The following MYO5A variants were observed in gnomAD, a reference collection of about 807,000 sequenced individuals.
MYO5A encodes unconventional myosin-Va.
MYO5A carries 98 observed loss-of-function variants against 249.7 expected under a neutral mutation model. The ratio of observed to expected loss-of-function variants is 0.39; its 90% CI spans 0.33 to 0.46. The LOEUF is 0.46. Ranked by LOEUF, MYO5A falls within the 20% of genes least tolerant of loss-of-function variation. The probability of loss-of-function intolerance (pLI) is 0.98; values close to 1 mark genes in which losing one functional copy is unlikely to be tolerated. For missense variants in MYO5A, 1,696 were observed against 2,308.8 expected, an observed-to-expected ratio of 0.73 and a Z score of 5.44; for synonymous variants, 778 against 810.6, an observed-to-expected ratio of 0.96 and a Z score of 0.68.
At chr15:52,372,031 G>A (rs550666858) in intron 21 of MYO5A, 93 bp downstream of exon 21, 41 of 1,582,078 alleles carry the variant, frequency 2.6e-5, no homozygotes, top group Admixed American at 1.2e-4. Flanking sequence ...TACTAAGACC[G>A]AAGGGTAAAG....
intron 5 of MYO5A, among the ~76,000 whole-genome samples, chr15:52,410,722 C>T (rs2043211210): frequency 1.3e-5 from 2 of 151,878 alleles, no homozygotes; most frequent in Admixed American, 6.6e-5. Context: ...GGATTACAGG[C>T]ACATGCCACC....
At chr15:52,526,207 T>A (rs957247490) in intron 1 of MYO5A, among the ~76,000 whole-genome samples, 2 of 152,150 alleles carry the variant, frequency 1.3e-5, no homozygotes, top group Non-Finnish European at 2.9e-5. Flanking sequence ...CAACACACGG[T>A]CTTGCTGTTT....
intron 1 of MYO5A, among the ~76,000 whole-genome samples, chr15:52,512,583 G>A (rs904838221): frequency 1.3e-5 from 2 of 152,036 alleles, no homozygotes; most frequent in African/African-American, 4.8e-5. Flanking sequence ...AGTATCTGAG[G>A]ACAGTGAGAT....
intron 1 of MYO5A, among the ~76,000 whole-genome samples, chr15:52,516,212 A>G (rs115309553): frequency 0.016 from 2,469 of 152,304 alleles, 75 homozygotes; most frequent in African/African-American, 0.057. Context: ...CTTGACTTCT[A>G]TGATGTACTG....
intron 1 of MYO5A, among the ~76,000 whole-genome samples, chr15:52,468,007 A>C (rs901309114): frequency 2.2e-4 from 33 of 152,248 alleles, no homozygotes; most frequent in African/African-American, 6.0e-4. Context: ...GCAAATAGGC[A>C]AAAGAAAAAA....
intron 25 of MYO5A, among the ~76,000 whole-genome samples, chr15:52,357,701 G>A (rs1173202549): frequency 1.3e-5 from 2 of 152,170 alleles, no homozygotes; most frequent in African/African-American, 2.4e-5. Context: ...TCTAATTAAA[G>A]AGATGCTATC....
Position 52,384,291 on chromosome 15 carries a change from T to C in MYO5A, c.1784A>G (p.Asp595Gly). ...FKMLPELFQD[D>G]EKAISPTSAT... ...TGAAGTTGGACTGATGGCCTTCTCA[T>C]CATCTTGAAATAGTTCTGGTAGCAT... Residue 595 changes from aspartate to glycine, a missense_variant, in exon 15 of 42, where the codon GAT becomes GGT. This residue lies in a region of MYO5A where 277 missense variants were observed against 422.4 expected (regional missense o/e 0.66). Transcript: ENST00000399233. The C allele has an allele frequency of 2.5e-6, 4 of 1,614,182 alleles. No homozygotes were observed. The highest frequency in any genetic ancestry group is 3.4e-6 in the Non-Finnish European group (4 of 1,180,006).
chr15:52,488,299 T>C lies in MYO5A; in HGVS notation c.27+40481A>G, dbSNP rs184974766. 9.2e-4 allele frequency among the ~76,000 whole-genome samples: 140 copies of C among 152,296 alleles called. 1 individual carries two copies. The highest frequency in any genetic ancestry group is 3.2e-3 in the African/African-American group (131 of 41,556). ...TGTAAATATATGTAGCTGATGTCTGTAAATAATGAATTCTTGGAAACCACA... is the reference window on the plus strand; with the variant it reads ...TGTAAATATATGTAGCTGATGTCTGCAAATAATGAATTCTTGGAAACCACA... On this transcript the variant is annotated intron_variant, in intron 1 of 41. Coordinates refer to ENST00000399233, the MANE Select transcript of MYO5A (RefSeq NM_001382347.1).
intron 9 of MYO5A, among the ~76,000 whole-genome samples, chr15:52,398,263 A>G (rs962596343): frequency 6.6e-6 from 1 of 152,220 alleles, no homozygotes; most frequent in Non-Finnish European, 1.5e-5. Flanking sequence ...CATGATTTAC[A>G]TATCCCTGTA....
intron 15 of MYO5A, 140 bp downstream of exon 15, chr15:52,384,021 T>C: frequency 1.1e-6 from 1 of 945,140 alleles, no homozygotes. Flanking sequence ...TTTTAGTGGA[T>C]GGTGTCGTAT....
At chr15:52,449,021 T>C (rs1290589081) in intron 1 of MYO5A, among the ~76,000 whole-genome samples, 6 of 131,926 alleles carry the variant, frequency 4.5e-5, no homozygotes, top group Non-Finnish European at 6.1e-5. Context: ...CAGGCTGGAG[T>C]GCAATGGCAC....
At chr15:52,521,654 T>G (rs1356375919) in intron 1 of MYO5A, among the ~76,000 whole-genome samples, 4 of 152,216 alleles carry the variant, frequency 2.6e-5, no homozygotes, top group Non-Finnish European at 4.4e-5. Context: ...AAAAAATAAT[T>G]ACATCATCCC....
chr15:52,433,135 C>T, intron 2 of MYO5A, 40 bp downstream of exon 2: 1 of 1,406,890 alleles, frequency 7.1e-7, no homozygotes, highest in Non-Finnish European at 1.0e-6. Context: ...GAACTCCCTT[C>T]ACTTTATGCC....
intron 34 of MYO5A, among the ~76,000 whole-genome samples, chr15:52,335,157 A>G (rs2039055766): frequency 6.6e-6 from 1 of 152,228 alleles, no homozygotes; most frequent in African/African-American, 2.4e-5. Context: ...CCGTTCACAC[A>G]GGTTTGAAGG....
intron 5 of MYO5A, among the ~76,000 whole-genome samples, chr15:52,413,812 T>C (rs28421476): frequency 0.043 from 6,491 of 152,238 alleles, 401 homozygotes; most frequent in African/African-American, 0.14. Context: ...AGATGAACAA[T>C]TTCAAATTAT....
intron 1 of MYO5A, among the ~76,000 whole-genome samples, chr15:52,476,708 T>C (rs1031746966): frequency 1.3e-5 from 2 of 152,192 alleles, no homozygotes; most frequent in Non-Finnish European, 2.9e-5. Flanking sequence ...TTTAAGATTG[T>C]TGAATATTGG....
chr15:52,396,829 T>C (rs923803266), intron 10 of MYO5A, among the ~76,000 whole-genome samples: 1 of 152,136 alleles, frequency 6.6e-6, no homozygotes, highest in African/African-American at 2.4e-5. Context: ...AAAAATTAAG[T>C]ATGAAACAGG....
At chr15:52,444,875 G>C (rs916453712) in intron 1 of MYO5A, among the ~76,000 whole-genome samples, 1 of 152,168 alleles carries the variant, frequency 6.6e-6, no homozygotes, top group Non-Finnish European at 1.5e-5. Flanking sequence ...AACATGGTAA[G>C]ATTTAAGGAA....
At chr15:52,434,163 C>A (rs746872236) in intron 1 of MYO5A, among the ~76,000 whole-genome samples, 1 of 151,972 alleles carries the variant, frequency 6.6e-6, no homozygotes, top group Non-Finnish European at 1.5e-5. Flanking sequence ...CTGTGCCCAG[C>A]TAATTTTTGT....
Sources: allele counts gnomAD v4.1 joint callset (sites outside exome capture counted in the v4.1 genomes callset), GRCh38; gene constraint gnomAD v4.1.1; regional missense constraint gnomAD v4.1.1; transcripts MANE v1.5; gene names NCBI Gene and HGNC (gene_info 2026-07-23, HGNC 2026-07-21).